Variants in SPIRE1 observed in about 807,000 individuals in gnomAD.
SPIRE1 encodes the protein spire type actin nucleation factor 1, also known as protein spire homolog 1.
Under a neutral mutation model 94.1 loss-of-function variants are expected in SPIRE1, and 40 were observed. That is an observed-to-expected ratio of 0.43 (90% CI 0.33 to 0.55). The LOEUF (loss-of-function observed/expected upper bound fraction) is 0.55. Ranked by LOEUF, SPIRE1 falls within the 20% of genes least tolerant of loss-of-function variation. SPIRE1 has a pLI of 0.06. For synonymous variants in SPIRE1, 376 were observed against 371.7 expected (o/e 1.01, Z -0.13); for missense variants, 838 against 975.2 (o/e 0.86, Z 1.87).
intron 4 of SPIRE1, among the ~76,000 whole-genome samples, chr18:12,519,846 C>A (rs1354864017): frequency 6.6e-6 from 1 of 152,190 alleles, no homozygotes; most frequent in East Asian, 1.9e-4. Context: ...ACAGTATCAA[C>A]TACTAAACCT....
rs116902962 is a variant in SPIRE1 at position 12,488,820 on chromosome 18, T to C, written c.1190-2820A>G. On this transcript the variant is annotated intron_variant, in intron 8 of 16. Coordinates refer to ENST00000409402, the MANE Select transcript of SPIRE1 (RefSeq NM_001128626.2). ...TATTTTCATCCTAATGTATAGTATG[T>C]TTTAAACAGGCATTTTACTGTGTTT... 8.7e-4 allele frequency among the ~76,000 whole-genome samples: 132 copies of C among 152,310 alleles called. 1 individual carries two copies. The highest frequency in any genetic ancestry group is 1.9e-3 in the Admixed American group (29 of 15,304).
chr18:12,600,134 T>C (rs1243097823), intron 2 of SPIRE1, among the ~76,000 whole-genome samples: 1 of 149,256 alleles, frequency 6.7e-6, no homozygotes, highest in Non-Finnish European at 1.5e-5. Flanking sequence ...AGCCATCAGT[T>C]GTACCATCAC....
At chr18:12,502,148 A>G (rs1286578578) in intron 6 of SPIRE1, among the ~76,000 whole-genome samples, 1 of 152,206 alleles carries the variant, frequency 6.6e-6, no homozygotes, top group African/African-American at 2.4e-5. Context: ...TAAATCAGCA[A>G]CTTCGAAAGG....
intron 2 of SPIRE1, among the ~76,000 whole-genome samples, chr18:12,615,337 A>AAAAAAAAAAAAAAAAT (rs1786666149): frequency 1.4e-4 from 6 of 42,440 alleles, no homozygotes; most frequent in Non-Finnish European, 3.6e-4. Flanking sequence ...CAAAAAAAAA[A>AAAAAAAAAAAAAAAAT]AAAAAAAAAT....
At chr18:12,558,309 G>A (rs28821540) in intron 2 of SPIRE1, among the ~76,000 whole-genome samples, 12,694 of 152,140 alleles carry the variant, frequency 0.083, 678 homozygotes, top group Middle Eastern at 0.16. Flanking sequence ...GGAGTTGTTC[G>A]TGCCTCCTGG....
In SPIRE1 at chr18:12,559,860, A is replaced by G. The variant is rs2035633421; in HGVS notation, c.373-12956T>C. 6.6e-6 allele frequency among the ~76,000 whole-genome samples: 1 copy of G among 152,236 alleles called. No individual in the cohort carries two copies. Among genetic ancestry groups the G allele is most frequent in the African/African-American group, 2.4e-5 (1 of 41,466 alleles). The stretch of plus-strand genomic sequence containing the variant: ...CAAACTGTCCATCTGACAAGGGGTA[A>G]TAACCACAATATATAAGGACCTCAA... On this transcript the variant is annotated intron_variant, in intron 2 of 16. Transcript: ENST00000409402. The surrounding 1 kb of genome is among the most constrained non-coding windows in gnomAD (Gnocchi z 4.7).
intron 1 of SPIRE1, among the ~76,000 whole-genome samples, chr18:12,648,661 G>A (rs1429243835): frequency 4.0e-5 from 6 of 151,640 alleles, no homozygotes; most frequent in Non-Finnish European, 4.4e-5. Context: ...AGGCCGAGGC[G>A]GACAGATCAC....
rs60768224 is a variant in SPIRE1, at chr18:12,617,159, ATTTTT to A, written c.372+17898_372+17902del. Among the ~76,000 whole-genome samples, 156 of 137,398 alleles carry A rather than the reference ATTTTT, an allele frequency of 1.1e-3. 1 individual carries two copies. The highest frequency in any genetic ancestry group is 3.8e-3 in the Middle Eastern group (1 of 266). The allele number at this position is 137,398 out of a possible 152,430, so 90.1% of individuals were successfully genotyped here. A position where few individuals can be genotyped will look rare whatever the true frequency, so the allele number is the denominator to read the frequency against. On this transcript the variant is annotated intron_variant, in intron 2 of 16. Transcript: ENST00000409402. ...ACAGGCATGAGCAACCATGCTCACTATTTTTTTTTTTTTTTTTTGAAATGGGGTCT... is the reference window on the plus strand; with the variant it reads ...ACAGGCATGAGCAACCATGCTCACTATTTTTTTTTTTTTGAAATGGGGTCT...
intron 1 of SPIRE1, among the ~76,000 whole-genome samples, chr18:12,650,876 C>CAA (rs34966832): frequency 0.11 from 8,202 of 74,064 alleles, 418 homozygotes; most frequent in Non-Finnish European, 0.16. Flanking sequence ...GACCCTGTCT[C>CAA]AAAAAAAAAA....
intron 6 of SPIRE1, among the ~76,000 whole-genome samples, chr18:12,498,707 G>A (rs776125370): frequency 1.4e-4 from 21 of 152,232 alleles, no homozygotes; most frequent in African/African-American, 3.1e-4. Flanking sequence ...GCTCACTGCC[G>A]TCTTGACCTC....
intron 6 of SPIRE1, among the ~76,000 whole-genome samples, chr18:12,505,334 C>G (rs529295300): frequency 7.2e-5 from 11 of 152,058 alleles, no homozygotes; most frequent in African/African-American, 2.7e-4. Context: ...CACTTGAGCT[C>G]TGTTAGGAAT....
chr18:12,641,566 A>G (rs28666956), intron 1 of SPIRE1, among the ~76,000 whole-genome samples: 4,499 of 151,766 alleles, frequency 0.03, 235 homozygotes, highest in African/African-American at 0.1. Context: ...ACGGGGTTTC[A>G]CCATGTTGGC....
intron 2 of SPIRE1, among the ~76,000 whole-genome samples, chr18:12,583,653 G>A (rs2036315164): frequency 6.6e-6 from 1 of 151,936 alleles, no homozygotes; most frequent in Non-Finnish European, 1.5e-5. Flanking sequence ...GCCAGGCCAG[G>A]TAGCTCATGC....
At chr18:12,528,647 C>T (rs2034593366) in intron 4 of SPIRE1, among the ~76,000 whole-genome samples, 1 of 152,138 alleles carries the variant, frequency 6.6e-6, no homozygotes, top group African/African-American at 2.4e-5. Flanking sequence ...AAGGGGTTTA[C>T]ACTTTCCACC....
intron 2 of SPIRE1, among the ~76,000 whole-genome samples, chr18:12,594,031 A>G (rs908220028): frequency 2.0e-5 from 3 of 152,198 alleles, no homozygotes; most frequent in Non-Finnish European, 4.4e-5. Flanking sequence ...TTAGTATAAA[A>G]TGCTGCCTAT....
chr18:12,627,023 T>A (rs1286632414), intron 2 of SPIRE1, among the ~76,000 whole-genome samples: 1 of 151,766 alleles, frequency 6.6e-6, no homozygotes, highest in African/African-American at 2.4e-5. Context: ...TAATTCAAAC[T>A]AAATATTCTT....
intron 2 of SPIRE1, among the ~76,000 whole-genome samples, chr18:12,615,609 A>G (rs961893325): frequency 9.9e-5 from 15 of 151,036 alleles, no homozygotes; most frequent in Admixed American, 3.3e-4. Context: ...GTATATTTAA[A>G]TGACATTAAA....
intron 6 of SPIRE1, among the ~76,000 whole-genome samples, chr18:12,496,477 T>A (rs1417976733): frequency 6.6e-6 from 1 of 152,216 alleles, no homozygotes; most frequent in Non-Finnish European, 1.5e-5. Context: ...CTCACGCATG[T>A]AATCCCAGCA....
At chr18:12,557,142 G>A (rs901997525) in intron 2 of SPIRE1, among the ~76,000 whole-genome samples, 10 of 152,172 alleles carry the variant, frequency 6.6e-5, no homozygotes, top group East Asian at 5.8e-4. Context: ...TGCGCCACAC[G>A]CCCGCACTCC....
Sources: allele counts gnomAD v4.1 joint callset (sites outside exome capture counted in the v4.1 genomes callset), GRCh38; gene constraint gnomAD v4.1.1; non-coding constraint Gnocchi (gnomAD v3.1); transcripts MANE v1.5; gene names NCBI Gene and HGNC (gene_info 2026-07-23, HGNC 2026-07-21).